The following PLEKHG1 variants were observed in gnomAD, a reference collection of about 807,000 sequenced individuals.
PLEKHG1 encodes the protein pleckstrin homology domain-containing family G member 1.
PLEKHG1 carries 44 observed loss-of-function variants against 100.8 expected under a neutral mutation model. That is an observed-to-expected ratio of 0.44 (90% CI 0.34 to 0.56). PLEKHG1 has a LOEUF of 0.56. Ranked by LOEUF, PLEKHG1 falls within the 20% of genes least tolerant of loss-of-function variation. The pLI is 0.01. For missense variants in PLEKHG1, 1,545 were observed against 1,720.9 expected, an observed-to-expected ratio of 0.90 and a Z score of 1.81; for synonymous variants, 640 against 662.5, an observed-to-expected ratio of 0.97 and a Z score of 0.52.
chr6:150,627,585 C>CT (rs1009002752), intron 1 of PLEKHG1, among the ~76,000 whole-genome samples: 5 of 151,972 alleles, frequency 3.3e-5, no homozygotes, highest in South Asian at 4.2e-4. Context: ...AACTGCACTT[C>CT]TTTTTTTTAA....
intron 1 of PLEKHG1, among the ~76,000 whole-genome samples, chr6:150,603,099 A>AAAAAAG (rs1562376037): frequency 2.7e-5 from 4 of 148,242 alleles, no homozygotes. Flanking sequence ...AAAAATAAAA[A>AAAAAAG]AAAAGAAAAG....
chr6:150,657,156 T>C (rs1231618020), intron 3 of PLEKHG1, among the ~76,000 whole-genome samples: 1 of 152,104 alleles, frequency 6.6e-6, no homozygotes, highest in African/African-American at 2.4e-5. Flanking sequence ...ATGGACTCCT[T>C]AGGCAACACG....
chr6:150,657,613 A>C (rs1779018873), intron 3 of PLEKHG1, among the ~76,000 whole-genome samples: 1 of 152,172 alleles, frequency 6.6e-6, no homozygotes, highest in Admixed American at 6.5e-5. Flanking sequence ...TTTTCCCTTA[A>C]TATGTTTCAA....
intron 1 of PLEKHG1, among the ~76,000 whole-genome samples, chr6:150,637,700 T>A (rs1181828705): frequency 6.6e-6 from 1 of 152,148 alleles, no homozygotes; most frequent in Non-Finnish European, 1.5e-5. Context: ...TCTTTTTACC[T>A]CTTTGAACCA....
chr6:150,766,780 TG>T (rs1784474254), intron 2 of PLEKHG1, among the ~76,000 whole-genome samples: 1 of 152,214 alleles, frequency 6.6e-6, no homozygotes, highest in African/African-American at 2.4e-5. Flanking sequence ...TTCTCTCACA[TG>T]AAGAATTTAG....
intron 2 of PLEKHG1, among the ~76,000 whole-genome samples, chr6:150,759,461 T>C (rs1784037488): frequency 6.6e-6 from 1 of 152,128 alleles, no homozygotes; most frequent in South Asian, 2.1e-4. Flanking sequence ...AAATATACTG[T>C]GTTAAGGTAT....
At chr6:150,840,171 T>G (rs142195711) in exon 16 of PLEKHG1, 2 of 1,614,192 alleles carry the variant, frequency 1.2e-6, no homozygotes, top group Non-Finnish European at 1.7e-6. Context: ...TGTGCAGAGA[T>G]GCAGCGTGGT....
intron 3 of PLEKHG1, among the ~76,000 whole-genome samples, chr6:150,672,230 C>T (rs1779609966): frequency 6.6e-6 from 1 of 152,140 alleles, no homozygotes; most frequent in African/African-American, 2.4e-5. Context: ...CCTAACTCAC[C>T]TTTTATCTGC....
At chr6:150,642,668 A>G (rs775843541) in intron 2 of PLEKHG1, among the ~76,000 whole-genome samples, 2 of 152,222 alleles carry the variant, frequency 1.3e-5, no homozygotes, top group Non-Finnish European at 2.9e-5. Context: ...TGTCCCAATC[A>G]TGGCTGCATC....
At chr6:150,731,944 G>A (rs1028161556) in intron 1 of PLEKHG1, among the ~76,000 whole-genome samples, 4 of 148,294 alleles carry the variant, frequency 2.7e-5, no homozygotes, top group Middle Eastern at 7.0e-3. Context: ...ATATTTAAAT[G>A]CTGTGGGTAT....
chr6:150,705,266 T>C (rs973332932), intron 3 of PLEKHG1, among the ~76,000 whole-genome samples: 3 of 152,252 alleles, frequency 2.0e-5, no homozygotes, highest in African/African-American at 2.4e-5. Context: ...TAAAGCATAT[T>C]TCAAAGATAT....
At chr6:150,648,603 T>C (rs1259045639) in intron 2 of PLEKHG1, among the ~76,000 whole-genome samples, 1 of 152,162 alleles carries the variant, frequency 6.6e-6, no homozygotes, top group Non-Finnish European at 1.5e-5. Flanking sequence ...AGCACTTTAT[T>C]GAGGGTTCTT....
At chr6:150,759,812 C>T (rs1295306980) in intron 2 of PLEKHG1, among the ~76,000 whole-genome samples, 2 of 151,970 alleles carry the variant, frequency 1.3e-5, no homozygotes, top group African/African-American at 4.8e-5. Flanking sequence ...TCCTGGGCAA[C>T]ATAGTGAGAC....
At chr6:150,694,153 A>G (rs1780456000) in intron 3 of PLEKHG1, among the ~76,000 whole-genome samples, 1 of 152,190 alleles carries the variant, frequency 6.6e-6, no homozygotes, top group East Asian at 1.9e-4. Flanking sequence ...ATTAGTTGTT[A>G]GGTGGGGACT....
At chr6:150,692,390 T>A (rs1780376529) in intron 3 of PLEKHG1, among the ~76,000 whole-genome samples, 1 of 152,228 alleles carries the variant, frequency 6.6e-6, no homozygotes, top group Non-Finnish European at 1.5e-5. Context: ...ATTAACTATG[T>A]AATTATCATT....
chr6:150,708,274 T>C (rs1368992657), intron 3 of PLEKHG1, among the ~76,000 whole-genome samples: 2 of 152,100 alleles, frequency 1.3e-5, no homozygotes, highest in African/African-American at 4.8e-5. Context: ...AATCAGAACT[T>C]CCTCTCACCA....
chr6:150,769,300 G>A (rs1032906936), intron 3 of PLEKHG1, among the ~76,000 whole-genome samples: 1 of 151,958 alleles, frequency 6.6e-6, no homozygotes, highest in Admixed American at 6.6e-5. Flanking sequence ...GTAAAGTTAG[G>A]GCCAGACATG....
chr6:150,704,097 GT>G (rs1780910166), intron 3 of PLEKHG1, among the ~76,000 whole-genome samples: 1 of 152,200 alleles, frequency 6.6e-6, no homozygotes, highest in African/African-American at 2.4e-5. Context: ...ATCCTCAATG[GT>G]TGATGGTCCG....
At position 150,702,574 on chromosome 6, in the gene PLEKHG1, G is replaced by GTA. The variant is rs1562447492; in HGVS notation, c.-98-31009_-98-31008insAT. ...TGTTTTGGGGTGTGTGTGTGTGTGTGTGTGTGTGTGTGTGTGTACTTATAT... is the reference window on the plus strand; with the variant it reads ...TGTTTTGGGGTGTGTGTGTGTGTGTGTATGTGTGTGTGTGTGTGTACTTATAT... On this transcript the variant is annotated intron_variant, in intron 3 of 3. Transcript: ENST00000367326. Among the ~76,000 whole-genome samples the GTA allele has an allele frequency of 2.6e-4, 39 of 151,786 alleles. 1 individual carries two copies. The highest frequency in any genetic ancestry group is 7.7e-4 in the African/African-American group (32 of 41,360).
Sources: gnomAD v4.1 joint callset for allele counts (sites outside exome capture counted in the v4.1 genomes callset) on GRCh38, gnomAD v4.1.1 for gene constraint, MANE v1.5 for transcripts, NCBI Gene and HGNC (gene_info 2026-07-23, HGNC 2026-07-21) for gene names.